The following KCNQ1 variants were observed in gnomAD, a reference collection of about 807,000 sequenced individuals.
KCNQ1 encodes potassium voltage-gated channel subfamily Q member 1.
KCNQ1 carries 49 observed loss-of-function variants against 72.4 expected under a neutral mutation model. The observed-to-expected ratio is 0.68, with a 90% CI of 0.54 to 0.86. KCNQ1 has a LOEUF of 0.86. Among genes scored for constraint, KCNQ1 ranks in the 40% least tolerant of loss-of-function variants. The probability of loss-of-function intolerance (pLI) is 0.00; values close to 1 mark genes in which losing one functional copy is unlikely to be tolerated. For synonymous variants in KCNQ1, 450 were observed against 412.6 expected (o/e 1.09, Z -1.10); for missense variants, 790 against 945.1 (o/e 0.84, Z 2.15).
intron 2 of KCNQ1, among the ~76,000 whole-genome samples, chr11:2,552,102 A>G (rs1323680038): frequency 3.3e-5 from 5 of 151,540 alleles, no homozygotes; most frequent in Admixed American, 2.6e-4. Context: ...ATGAAGTTCA[A>G]TTCATCAGGG....
At position 2,666,412 on chromosome 11, in the gene KCNQ1, C is replaced by T. The variant is rs572603072; in HGVS notation, c.1514+4331C>T. 29 of 398,538 alleles carry T rather than the reference C, an allele frequency of 7.3e-5. 1 individual carries two copies. The South Asian group carries it at 8.9e-4, about 12-fold the overall frequency. 24.7% of individuals were successfully genotyped at this position (398,538 alleles called of 1,614,324 possible). On this transcript the variant is annotated intron_variant, in intron 11 of 15. Coordinates refer to ENST00000155840, the MANE Select transcript of KCNQ1 (RefSeq NM_000218.3). ...GCAAATCCTTGAGCAAAAACAGCCC[C>T]GTGTGCGTTAATTAGAATTTCCATG... is the stretch of plus-strand genomic sequence containing the variant.
chr11:2,806,435 A>G (rs984986318), intron 15 of KCNQ1, among the ~76,000 whole-genome samples: 2 of 152,278 alleles, frequency 1.3e-5, no homozygotes, highest in East Asian at 1.9e-4. Context: ...TGCCCAGTGA[A>G]GCCTGGCTTC....
intron 4 of KCNQ1, 21 bp downstream of exon 4, chr11:2,571,424 C>A (rs767597141): frequency 7.6e-5 from 122 of 1,595,626 alleles, no homozygotes; most frequent in Non-Finnish European, 9.4e-6. Context: ...GCCACAAGCT[C>A]CCCCCGCCAT....
In KCNQ1 at chr11:2,468,927, G is replaced by A. The variant is rs773950292; in HGVS notation, c.386+23443G>A. 2.6e-5 allele frequency among the ~76,000 whole-genome samples: 4 copies of A among 152,190 alleles called. No homozygotes were observed. Among genetic ancestry groups the A allele is most frequent in the Non-Finnish European group, 4.4e-5 (3 of 68,032 alleles). On this transcript the variant is annotated intron_variant, in intron 1 of 15. Coordinates refer to ENST00000155840, the MANE Select transcript of KCNQ1 (RefSeq NM_000218.3). The surrounding 1 kb of genome is among the most constrained non-coding windows in gnomAD (Gnocchi z 5.7). ...AAGTGGTTGAACTGCTCTGCAGCCC[G>A]CTGGGAAGTGGAACGGCTGTGTCAT...
chr11:2,577,527 G>A lies in KCNQ1; in HGVS notation c.921+4541G>A, dbSNP rs192756997. Among the ~76,000 whole-genome samples the A allele has an allele frequency of 1.1e-4, 16 of 152,358 alleles. No homozygotes were observed. In the East Asian group the frequency reaches 1.5e-3, roughly 15 times the overall value. On this transcript the variant is annotated intron_variant, in intron 6 of 15. Transcript: ENST00000155840. The stretch of plus-strand genomic sequence containing the variant: ...ACCACCAGCCCGTGTGTGGGGCTCC[G>A]GGCTTCGTGAGTGAGGAGAGGACTC...
At position 2,762,600 on chromosome 11, in the gene KCNQ1, C is replaced by T. The variant is rs547355428; in HGVS notation, c.1515-6244C>T. On this transcript the variant is annotated intron_variant, in intron 11 of 15. Coordinates refer to ENST00000155840, the MANE Select transcript of KCNQ1 (RefSeq NM_000218.3). This position sits in a 1 kb window ranked among gnomAD's most constrained non-coding sequence, Gnocchi z 4.3. ...ATCCATAGACTGTTAGGAACAGGAC[C>T]GTGCAGCAGGAGGTGAGCGGTTGGC... Among the ~76,000 whole-genome samples the T allele has an allele frequency of 6.6e-6, 1 of 152,326 alleles. No homozygotes were observed. The highest frequency in any genetic ancestry group is 2.4e-5 in the African/African-American group (1 of 41,574).
At chr11:2,607,543 A>G (rs1848900789) in intron 10 of KCNQ1, among the ~76,000 whole-genome samples, 1 of 152,200 alleles carries the variant, frequency 6.6e-6, no homozygotes, top group Non-Finnish European at 1.5e-5. Flanking sequence ...ATGAGGACAC[A>G]AGAAGACAAC....
intron 11 of KCNQ1, among the ~76,000 whole-genome samples, chr11:2,722,705 A>G (rs987168643): frequency 4.6e-5 from 7 of 151,966 alleles, no homozygotes; most frequent in Admixed American, 1.3e-4. Context: ...TGACCTGTTT[A>G]GTAAATAGGC....
At position 2,451,629 on chromosome 11, in the gene KCNQ1, C is replaced by T. The variant is rs1438508897; in HGVS notation, c.386+6145C>T. Among the ~76,000 whole-genome samples the T allele has an allele frequency of 6.6e-6, 1 of 152,178 alleles. No individual in the cohort carries two copies. Among genetic ancestry groups the T allele is most frequent in the Admixed American group, 6.5e-5 (1 of 15,290 alleles). ...GCACCGGACTCTCAGGATGAGCCGC[C>T]TGGAGTCTGTTGGCATCTGCCTGGC... is the stretch of plus-strand genomic sequence containing the variant. On this transcript the variant is annotated intron_variant, in intron 1 of 15. Transcript: ENST00000155840. The surrounding 1 kb of genome is among the most constrained non-coding windows in gnomAD (Gnocchi z 6.4).
At chr11:2,833,708 C>T (rs1034165152) in intron 15 of KCNQ1, among the ~76,000 whole-genome samples, 2 of 152,232 alleles carry the variant, frequency 1.3e-5, no homozygotes, top group Non-Finnish European at 2.9e-5. Flanking sequence ...TTGCACCTGG[C>T]TGTGACCGTG....
At chr11:2,449,261 G>A (rs1300582095) in intron 1 of KCNQ1, among the ~76,000 whole-genome samples, 1 of 152,258 alleles carries the variant, frequency 6.6e-6, no homozygotes, top group Non-Finnish European at 1.5e-5. Context: ...CTCCCTGTGG[G>A]CATGGTGCCC....
At chr11:2,840,722 A>G (rs1213335792) in intron 15 of KCNQ1, among the ~76,000 whole-genome samples, 2 of 152,172 alleles carry the variant, frequency 1.3e-5, no homozygotes, top group Non-Finnish European at 2.9e-5. Context: ...AGGGAAAAAC[A>G]TGTGTGATGT....
At chr11:2,455,829 A>T (rs1254364616) in intron 1 of KCNQ1, among the ~76,000 whole-genome samples, 2 of 152,254 alleles carry the variant, frequency 1.3e-5, no homozygotes, top group African/African-American at 4.8e-5. Flanking sequence ...CCAAAACAGC[A>T]TGGTATTGGT....
rs1308657203 is a variant in KCNQ1 at position 2,703,317 on chromosome 11, C to G, written c.1514+41236C>G. 6.6e-6 allele frequency among the ~76,000 whole-genome samples: 1 copy of G among 152,172 alleles called. No homozygotes were observed. Among genetic ancestry groups the G allele is most frequent in the Admixed American group, 6.5e-5 (1 of 15,282 alleles). ...GGTGTGAGACAGAGAGCCTGGGCAC[C>G]TGGTGGCCACTCCCTGAGCTCCCCA... On this transcript the variant is annotated intron_variant, in intron 11 of 15. Transcript: ENST00000155840. This position sits in a 1 kb window ranked among gnomAD's most constrained non-coding sequence, Gnocchi z 6.4.
chr11:2,824,196 C>A lies in KCNQ1; in HGVS notation c.1795-23571C>A, dbSNP rs918024686. Reference sequence around the variant, plus strand: ...CTAACTCTTCCAGCAAGAGCCACCCCCTGGCTGAAGTGTGAGGCTGTCCAT... The same window carrying A: ...CTAACTCTTCCAGCAAGAGCCACCCACTGGCTGAAGTGTGAGGCTGTCCAT... On this transcript the variant is annotated intron_variant, in intron 15 of 15. Coordinates refer to ENST00000155840, the MANE Select transcript of KCNQ1 (RefSeq NM_000218.3). This position sits in a 1 kb window ranked among gnomAD's most constrained non-coding sequence, Gnocchi z 5.9. Among the ~76,000 whole-genome samples, 1 of 152,158 alleles carries A rather than the reference C, an allele frequency of 6.6e-6. No individual in the cohort carries two copies. Among genetic ancestry groups the A allele is most frequent in the Non-Finnish European group, 1.5e-5 (1 of 68,034 alleles).
At chr11:2,609,506 G>A (rs1848941348) in intron 10 of KCNQ1, 1 of 398,194 alleles carries the variant, frequency 2.5e-6, no homozygotes. Context: ...GTTGGTTGTT[G>A]GGCGAAGTGC....
chr11:2,848,711 C>G lies in KCNQ1; in HGVS notation c.*708C>G. ...TCCTAGCTGGAGAGGAGCCCTGCCTCTCCGCCCCTGAGCCCACTGTGCGTG... is the reference window on the plus strand; with the variant it reads ...TCCTAGCTGGAGAGGAGCCCTGCCTGTCCGCCCCTGAGCCCACTGTGCGTG... On this transcript the variant is annotated 3_prime_UTR_variant, in exon 16 of 16. Transcript: ENST00000155840. 2.2e-6 allele frequency: 1 copy of G among 451,918 alleles called. No individual in the cohort carries two copies. The highest frequency in any genetic ancestry group is 4.4e-6 in the Non-Finnish European group (1 of 224,980). 28.0% of individuals were successfully genotyped at this position (451,918 alleles called of 1,614,324 possible).
chr11:2,572,423 C>T (rs1214710789), intron 5 of KCNQ1, among the ~76,000 whole-genome samples: 3 of 152,182 alleles, frequency 2.0e-5, no homozygotes, highest in Non-Finnish European at 1.5e-5. Context: ...AGGACCCGGT[C>T]AAGGCAGGGC....
intron 10 of KCNQ1, chr11:2,615,799 A>C (rs1849051889): frequency 2.5e-6 from 1 of 398,098 alleles, no homozygotes. Flanking sequence ...ACTTTGTTAA[A>C]TAAAAGATTT....
Sources: allele counts gnomAD v4.1 joint callset (sites outside exome capture counted in the v4.1 genomes callset), GRCh38; gene constraint gnomAD v4.1.1; non-coding constraint Gnocchi (gnomAD v3.1); transcripts MANE v1.5; gene names NCBI Gene and HGNC (gene_info 2026-07-23, HGNC 2026-07-21).